Variants in LDLRAD4 observed in about 807,000 individuals in gnomAD.
LDLRAD4 encodes low-density lipoprotein receptor class A domain-containing protein 4.
In LDLRAD4, 5 loss-of-function variants were observed where a neutral mutation model predicts 17.0. The ratio of observed to expected loss-of-function variants is 0.29; its 90% confidence interval spans 0.15 to 0.62. The LOEUF (loss-of-function observed/expected upper bound fraction) is 0.62. Among genes scored for constraint, LDLRAD4 ranks in the 20% least tolerant of loss-of-function variants. LDLRAD4 has a pLI of 0.84. For missense variants in LDLRAD4, 340 were observed against 424.7 expected, an observed-to-expected ratio of 0.80 and a Z score of 1.75; for synonymous variants, 168 against 171.8, an observed-to-expected ratio of 0.98 and a Z score of 0.17.
intron 3 of LDLRAD4, among the ~76,000 whole-genome samples, chr18:13,570,245 G>C (rs552476200): frequency 6.6e-6 from 1 of 152,222 alleles, no homozygotes; most frequent in Non-Finnish European, 1.5e-5. Context: ...CGGAGCATGT[G>C]GGGGGCCTGG....
At chr18:13,415,132 G>A (rs756348313) in intron 2 of LDLRAD4, among the ~76,000 whole-genome samples, 4 of 152,208 alleles carry the variant, frequency 2.6e-5, no homozygotes, top group African/African-American at 9.7e-5. Context: ...GGCTGGTTGT[G>A]GGGGCATCTG....
rs1305036093 is a variant in LDLRAD4, at chr18:13,438,047, ATCCTG to A, written c.41-195_41-191del. On this transcript the variant is annotated intron_variant, in intron 2 of 5. Transcript: ENST00000359446. ...CCCCTGTGGAGTGCAGGAGGGCACC[ATCCTG>A]TGTGTTTCAGACGAGGAAGGTCCTT... Among the ~76,000 whole-genome samples, 6 of 152,248 alleles carry A rather than the reference ATCCTG, an allele frequency of 3.9e-5. No homozygotes were observed. In the East Asian group the frequency reaches 9.6e-4, roughly 24 times the overall value.
chr18:13,464,717 C>CT (rs34872294), intron 3 of LDLRAD4, among the ~76,000 whole-genome samples: 1,455 of 134,728 alleles, frequency 0.011, 29 homozygotes, highest in African/African-American at 0.032. Flanking sequence ...CAGAGCCTGA[C>CT]TTTTTTTTTT....
chr18:13,294,822 TAAAA>T (rs11362104), intron 1 of LDLRAD4, among the ~76,000 whole-genome samples: 1 of 135,228 alleles, frequency 7.4e-6, no homozygotes, highest in South Asian at 2.4e-4. Flanking sequence ...TGTAAAATAG[TAAAA>T]AAAAAAAAAA....
chr18:13,240,283 G>A (rs1477687367), intron 1 of LDLRAD4: 1 of 152,206 alleles, frequency 6.6e-6, no homozygotes, highest in African/African-American at 2.4e-5. Context: ...CTCAGCCCTT[G>A]GCCCCAAAGG....
At chr18:13,230,500 A>G (rs922666827) in intron 1 of LDLRAD4, among the ~76,000 whole-genome samples, 1 of 152,192 alleles carries the variant, frequency 6.6e-6, no homozygotes, top group African/African-American at 2.4e-5. Context: ...ACCATAGTAT[A>G]TGTATATAAT....
At chr18:13,262,086 G>T (rs1431902044) in intron 1 of LDLRAD4, among the ~76,000 whole-genome samples, 4 of 115,204 alleles carry the variant, frequency 3.5e-5, no homozygotes, top group African/African-American at 1.2e-4. Flanking sequence ...ACTGAGTCCC[G>T]TGTGGCTCTG....
intron 1 of LDLRAD4, among the ~76,000 whole-genome samples, chr18:13,336,075 C>T (rs561393597): frequency 1.2e-4 from 19 of 152,184 alleles, no homozygotes; most frequent in African/African-American, 3.6e-4. Context: ...GGAGATCACA[C>T]GGTGAGAGAG....
At position 13,593,583 on chromosome 18, in the gene LDLRAD4, G is replaced by GTCCA. The variant is rs993021725; in HGVS notation, c.182-27514_182-27511dup. On this transcript the variant is annotated intron_variant, in intron 3 of 5. Transcript: ENST00000359446. The stretch of plus-strand genomic sequence containing the variant: ...TATCTGTCTGTCCGTCCGTCCGTCC[G>GTCCA]TCCATCCATCCATCCATCCATCCTA... 6.4e-3 allele frequency among the ~76,000 whole-genome samples: 953 copies of GTCCA among 147,944 alleles called. 10 individuals are homozygous for GTCCA. The highest frequency in any genetic ancestry group is 0.023 in the African/African-American group (884 of 38,732).
chr18:13,610,167 C>A (rs572156192), intron 3 of LDLRAD4, among the ~76,000 whole-genome samples: 1 of 151,050 alleles, frequency 6.6e-6, no homozygotes, highest in Non-Finnish European at 1.5e-5. Flanking sequence ...ATGTTAAATC[C>A]CAGAGCGGGC....
chr18:13,234,224 C>G (rs1298653260), intron 1 of LDLRAD4, among the ~76,000 whole-genome samples: 5 of 152,298 alleles, frequency 3.3e-5, no homozygotes, highest in Admixed American at 6.5e-5. Flanking sequence ...CCCTGTGCCC[C>G]TCGGGCCTCC....
intron 1 of LDLRAD4, among the ~76,000 whole-genome samples, chr18:13,361,219 A>G (rs2083647384): frequency 6.6e-6 from 1 of 152,096 alleles, no homozygotes; most frequent in African/African-American, 2.4e-5. Context: ...CTGGGACTAC[A>G]GGCGCCCACA....
chr18:13,322,290 C>CTTTTTTTTTTTTTTT (rs370707500), intron 1 of LDLRAD4, among the ~76,000 whole-genome samples: 23 of 109,734 alleles, frequency 2.1e-4, no homozygotes, highest in African/African-American at 4.5e-4. Context: ...ACTTTTCTCA[C>CTTTTTTTTTTTTTTT]TTTTTTTTTT....
At chr18:13,506,339 T>A (rs2147375428) in intron 3 of LDLRAD4, among the ~76,000 whole-genome samples, 1 of 151,606 alleles carries the variant, frequency 6.6e-6, no homozygotes, top group South Asian at 2.1e-4. Context: ...TCATTTACAT[T>A]AGGTATATCT....
chr18:13,416,859 C>T (rs1304685010), intron 2 of LDLRAD4, among the ~76,000 whole-genome samples: 1 of 152,202 alleles, frequency 6.6e-6, no homozygotes, highest in Admixed American at 6.5e-5. Context: ...CATACACTTA[C>T]ATAATACTCT....
chr18:13,329,530 A>G (rs1030749783), intron 1 of LDLRAD4, among the ~76,000 whole-genome samples: 1 of 152,176 alleles, frequency 6.6e-6, no homozygotes, highest in Non-Finnish European at 1.5e-5. Context: ...GGTCAAATCT[A>G]TCAGTCTTTC....
At chr18:13,385,592 A>C (rs1165908888) in intron 1 of LDLRAD4, among the ~76,000 whole-genome samples, 1 of 152,248 alleles carries the variant, frequency 6.6e-6, no homozygotes, top group Non-Finnish European at 1.5e-5. Context: ...AGAGAATGAG[A>C]ACAAATAAAG....
At chr18:13,531,999 C>T (rs1170145550) in intron 3 of LDLRAD4, among the ~76,000 whole-genome samples, 3 of 152,128 alleles carry the variant, frequency 2.0e-5, no homozygotes, top group Admixed American at 1.3e-4. Flanking sequence ...CCCACCACCC[C>T]CAATGTAGGC....
intron 1 of LDLRAD4, among the ~76,000 whole-genome samples, chr18:13,351,768 C>T (rs2083049687): frequency 6.6e-6 from 1 of 152,140 alleles, no homozygotes; most frequent in African/African-American, 2.4e-5. Flanking sequence ...TTTTATGAGG[C>T]CAGCATCATC....
Sources: gnomAD v4.1 joint callset for allele counts (sites outside exome capture counted in the v4.1 genomes callset) on GRCh38, gnomAD v4.1.1 for gene constraint, MANE v1.5 for transcripts, NCBI Gene and HGNC (gene_info 2026-07-23, HGNC 2026-07-21) for gene names.